The following RGS6 variants were observed in gnomAD, a reference collection of about 807,000 sequenced individuals.
The protein encoded by RGS6 is regulator of G protein signaling 6.
RGS6 carries 30 observed loss-of-function variants against 78.5 expected under a neutral mutation model. The ratio of observed to expected loss-of-function variants is 0.38; its 90% CI spans 0.29 to 0.52. The LOEUF is 0.52. RGS6 is among the 20% of genes least tolerant of loss of function. The probability of loss-of-function intolerance (pLI) is 0.85; values close to 1 mark genes in which losing one functional copy is unlikely to be tolerated. For missense variants in RGS6, 495 were observed against 609.7 expected, an observed-to-expected ratio of 0.81 and a Z score of 1.98; for synonymous variants, 206 against 206.0, an observed-to-expected ratio of 1.00 and a Z score of 0.00.
the RGS6 span, among the ~76,000 whole-genome samples, chr14:71,897,883 T>G: frequency 6.6e-6 from 1 of 152,010 alleles, no homozygotes; most frequent in African/African-American, 2.4e-5. Context: ...CAATGCTCAC[T>G]TAAACATTTT....
chr14:72,240,887 G>A (rs192835808), intron 2 of RGS6, among the ~76,000 whole-genome samples: 7 of 152,088 alleles, frequency 4.6e-5, no homozygotes, highest in Non-Finnish European at 5.9e-5. Context: ...GGCCAGGCGC[G>A]GTGGCTCACC....
chr14:72,363,999 T>TAAAAAAAAAAAAA lies in RGS6; in HGVS notation c.184+11820_184+11832dup, dbSNP rs55943058. ...ACCATCACTTGTCAGTGGACAAGGCTAAAAAAAAAAAAAAAAAAAAAAAAA... is the reference window on the plus strand; with the variant it reads ...ACCATCACTTGTCAGTGGACAAGGCTAAAAAAAAAAAAAAAAAAAAAAAAAAAAAAAAAAAAAA... On this transcript the variant is annotated intron_variant, in intron 3 of 17. Transcript: ENST00000553525. Among the ~76,000 whole-genome samples the TAAAAAAAAAAAAA allele has an allele frequency of 9.6e-4, 45 of 46,800 alleles. 12 individuals are homozygous for TAAAAAAAAAAAAA. Among genetic ancestry groups the TAAAAAAAAAAAAA allele is most frequent in the African/African-American group, 2.5e-3 (38 of 15,206 alleles). 30.7% of individuals were successfully genotyped at this position (46,800 alleles called of 152,430 possible). A position where few individuals can be genotyped will look rare whatever the true frequency, so the allele number is the denominator to read the frequency against.
At position 72,209,365 on chromosome 14, in the gene RGS6, G is replaced by A. The variant is rs542370117; in HGVS notation, c.85-142730G>A. ...GAATCTTTTGAGTTCAAAATGCTGT[G>A]TTTTATAAATTTATAAATGTGTCTA... On this transcript the variant is annotated intron_variant, in intron 2 of 17. Coordinates refer to ENST00000553525, the MANE Select transcript of RGS6 (RefSeq NM_001204424.2). Among the ~76,000 whole-genome samples, 9 of 150,954 alleles carry A rather than the reference G, an allele frequency of 6.0e-5. No individual in the cohort carries two copies. The South Asian group carries it at 1.9e-3, about 32-fold the overall frequency.
the RGS6 span, among the ~76,000 whole-genome samples, chr14:72,604,708 T>C: frequency 5.9e-5 from 9 of 152,130 alleles, 1 homozygote; most frequent in Non-Finnish European, 4.4e-5. Flanking sequence ...GGTACGACCC[T>C]CCTTAGCTCC....
At chr14:72,020,328 C>A (rs1234616521) in intron 2 of RGS6, among the ~76,000 whole-genome samples, 1 of 152,214 alleles carries the variant, frequency 6.6e-6, no homozygotes, top group Non-Finnish European at 1.5e-5. Flanking sequence ...TTTAATCAGA[C>A]CAAGTGCCTT....
At chr14:72,107,916 T>A (rs544885094) in intron 2 of RGS6, among the ~76,000 whole-genome samples, 27 of 152,326 alleles carry the variant, frequency 1.8e-4, no homozygotes, top group African/African-American at 6.3e-4. Context: ...TTTTTGTGCA[T>A]ATGCTATTCT....
At chr14:71,990,557 G>A (rs1374056574) in intron 2 of RGS6, 1 of 455,310 alleles carries the variant, frequency 2.2e-6, no homozygotes, top group African/African-American at 2.0e-5. Flanking sequence ...TAGTGGAGAG[G>A]ATCATTCCTG....
chr14:72,564,941 G>A lies in RGS6; in HGVS notation c.*2474G>A, dbSNP rs550031427. On this transcript the variant is annotated 3_prime_UTR_variant, in exon 18 of 18. Coordinates refer to ENST00000553525, the MANE Select transcript of RGS6 (RefSeq NM_001204424.2). Reference sequence around the variant, plus strand: ...GCTAAGGCACTCATGTTCCCCAGTAGATCAAGCCAGAAGCTTTGCAAGAAG... The same window carrying A: ...GCTAAGGCACTCATGTTCCCCAGTAAATCAAGCCAGAAGCTTTGCAAGAAG... The A allele has an allele frequency of 6.6e-6, 1 of 152,458 alleles. No individual in the cohort carries two copies. Among genetic ancestry groups the A allele is most frequent in the African/African-American group, 2.4e-5 (1 of 41,564 alleles). 9.4% of individuals were successfully genotyped at this position (152,458 alleles called of 1,614,324 possible). A position where few individuals can be genotyped will look rare whatever the true frequency, so the allele number is the denominator to read the frequency against.
chr14:72,279,664 T>A lies in RGS6; in HGVS notation c.85-72431T>A, dbSNP rs558968084. Reference sequence around the variant, plus strand: ...ACAGTTAGTGGCCTAGAAACTGATCTAGAAAGGGATCTCTGTTGATGAAAA... The same window carrying A: ...ACAGTTAGTGGCCTAGAAACTGATCAAGAAAGGGATCTCTGTTGATGAAAA... On this transcript the variant is annotated intron_variant, in intron 2 of 17. Coordinates refer to ENST00000553525, the MANE Select transcript of RGS6 (RefSeq NM_001204424.2). Among the ~76,000 whole-genome samples the A allele has an allele frequency of 2.0e-4, 31 of 152,260 alleles. No homozygotes were observed. In the East Asian group the frequency reaches 5.2e-3, roughly 26 times the overall value.
intron 3 of RGS6, among the ~76,000 whole-genome samples, chr14:72,408,588 C>T (rs1158106554): frequency 1.3e-5 from 2 of 152,176 alleles, no homozygotes; most frequent in Non-Finnish European, 2.9e-5. Context: ...AGCAAAACTC[C>T]TTTGCCATGA....
chr14:71,968,335 A>G (rs1167535337), intron 2 of RGS6, among the ~76,000 whole-genome samples: 1 of 152,186 alleles, frequency 6.6e-6, no homozygotes, highest in African/African-American at 2.4e-5. Context: ...GGAAAATCTG[A>G]TGCCCAACTA....
intron 2 of RGS6, among the ~76,000 whole-genome samples, chr14:72,005,384 G>A (rs1377125992): frequency 6.6e-6 from 1 of 151,670 alleles, no homozygotes; most frequent in Non-Finnish European, 1.5e-5. Flanking sequence ...TATTCATAAA[G>A]AGCATAGAGC....
chr14:72,464,921 C>G (rs1352662687), intron 6 of RGS6, among the ~76,000 whole-genome samples: 1 of 152,204 alleles, frequency 6.6e-6, no homozygotes, highest in Non-Finnish European at 1.5e-5. Context: ...CTTAAAGAGA[C>G]TTCAGCCTAG....
rs548894093 is a variant in RGS6, at chr14:72,054,611, A to G, written c.84+89736A>G. ...AACTGTCCACGCATGATCTCCTTTCATTTTACTTGTATTTGAAATGAAAAC... is the reference window on the plus strand; with the variant it reads ...AACTGTCCACGCATGATCTCCTTTCGTTTTACTTGTATTTGAAATGAAAAC... On this transcript the variant is annotated intron_variant, in intron 2 of 17. Transcript: ENST00000553525. Among the ~76,000 whole-genome samples, 3 of 151,962 alleles carry G rather than the reference A, an allele frequency of 2.0e-5. No individual in the cohort carries two copies. In the South Asian group the frequency reaches 6.2e-4, roughly 32 times the overall value.
At chr14:72,201,328 C>T (rs776502748) in intron 2 of RGS6, among the ~76,000 whole-genome samples, 4 of 152,086 alleles carry the variant, frequency 2.6e-5, no homozygotes, top group African/African-American at 4.8e-5. Flanking sequence ...TACTATATGT[C>T]GATAGAATCT....
In RGS6 at chr14:72,472,886, A is replaced by G. The variant is rs777131330; in HGVS notation, c.551A>G (p.Lys184Arg). The change falls in exon 9 of 18, where the codon AAA becomes AGA. Residue 184 changes from lysine to arginine, a missense_variant. Coordinates refer to ENST00000553525, the MANE Select transcript of RGS6 (RefSeq NM_001204424.2). Reference protein sequence around the residue: ...AEAQVKIDRKKDKTERKILDS... With the variant: ...AEAQVKIDRKRDKTERKILDS... ...TACTCTTTCAGGATTGACCGGAAAAAAGACAAGACAGAAAGGAAAATTTTG... is the reference window on the plus strand; with the variant it reads ...TACTCTTTCAGGATTGACCGGAAAAGAGACAAGACAGAAAGGAAAATTTTG... The G allele has an allele frequency of 1.2e-6, 2 of 1,612,730 alleles. No homozygotes were observed. The highest frequency in any genetic ancestry group is 1.7e-6 in the Non-Finnish European group (2 of 1,179,050).
intron 2 of RGS6, among the ~76,000 whole-genome samples, chr14:72,302,466 C>A (rs1261033528): frequency 6.6e-6 from 1 of 152,192 alleles, no homozygotes; most frequent in Non-Finnish European, 1.5e-5. Context: ...AAAGTCTTGT[C>A]CTTCCCACTT....
At chr14:72,442,976 A>T (rs972199019) in intron 3 of RGS6, among the ~76,000 whole-genome samples, 3 of 152,208 alleles carry the variant, frequency 2.0e-5, no homozygotes, top group African/African-American at 7.2e-5. Context: ...TTTGATTGAA[A>T]ACAGAGAAGC....
intron 2 of RGS6, among the ~76,000 whole-genome samples, chr14:72,029,188 G>A (rs1321333643): frequency 2.6e-5 from 4 of 152,194 alleles, no homozygotes; most frequent in Admixed American, 1.3e-4. Flanking sequence ...AGCTACCTGG[G>A]TTCTATGTTG....
Sources: gnomAD v4.1 joint callset for allele counts (sites outside exome capture counted in the v4.1 genomes callset) on GRCh38, gnomAD v4.1.1 for gene constraint, MANE v1.5 for transcripts, NCBI Gene and HGNC (gene_info 2026-07-23, HGNC 2026-07-21) for gene names.